Variants in IDUA observed in about 807,000 individuals in gnomAD.
IDUA encodes alpha-L-iduronidase.
A neutral mutation model predicts 68.9 loss-of-function variants in IDUA; 65 were observed. The ratio of observed to expected loss-of-function variants is 0.94; its 90% confidence interval spans 0.77 to 1.16. The LOEUF (loss-of-function observed/expected upper bound fraction) is 1.16. IDUA is among the 50% of genes most tolerant of loss of function. The pLI is 0.00. For missense variants in IDUA, 1,046 were observed against 938.0 expected, an observed-to-expected ratio of 1.12 and a Z score of -1.50; for synonymous variants, 529 against 433.6, an observed-to-expected ratio of 1.22 and a Z score of -2.73.
At chr4:1,003,792 AG>A in intron 12 of IDUA, 167 bp downstream of exon 12, 1 of 827,074 alleles carries the variant, frequency 1.2e-6, no homozygotes. Flanking sequence ...GCCACGCGCC[AG>A]GCCCTGCCAG....
At chr4:1,002,613 C>A in intron 8 of IDUA, 119 bp from the exon 9 acceptor site, 1 of 1,159,146 alleles carries the variant, frequency 8.6e-7, no homozygotes, top group Non-Finnish European at 1.1e-6. Context: ...CTCCGCGTGG[C>A]GGGGCCTGGG....
intron 2 of IDUA, among the ~76,000 whole-genome samples, chr4:993,961 C>T (rs976759640): frequency 1.3e-5 from 2 of 152,250 alleles, no homozygotes; most frequent in African/African-American, 4.8e-5. Flanking sequence ...GGCCAGGAGT[C>T]CTGGTCTGAC....
rs1429895979 is a variant in IDUA, at chr4:991,361, T to G, written c.299+3412T>G. ...ACGGAGACATGCCGTGAGGTGCCCATGAGGAAGTAGATGAGGTTGGCGAAG... is the reference window on the plus strand; with the variant it reads ...ACGGAGACATGCCGTGAGGTGCCCAGGAGGAAGTAGATGAGGTTGGCGAAG... On this transcript the variant is annotated intron_variant, in intron 2 of 13. Coordinates refer to ENST00000514224, the MANE Select transcript of IDUA (RefSeq NM_000203.5). 8 of 1,612,326 alleles carry G rather than the reference T, an allele frequency of 5.0e-6. No homozygotes were observed. Among genetic ancestry groups the G allele is most frequent in the Non-Finnish European group, 6.8e-6 (8 of 1,179,840 alleles).
At chr4:996,709 C>T (rs142750341) in intron 2 of IDUA, among the ~76,000 whole-genome samples, 1 of 152,346 alleles carries the variant, frequency 6.6e-6, no homozygotes, top group African/African-American at 2.4e-5. Context: ...GGGGCCTGAC[C>T]TGCCCCCTCC....
Position 1,003,033 on chromosome 4 carries a change from C to T in IDUA, c.1403-3C>T, listed in dbSNP as rs750083537. On this transcript the variant is annotated splice_polypyrimidine_tract_variant and splice_region_variant and intron_variant, in intron 9 of 13. Coordinates refer to ENST00000514224, the MANE Select transcript of IDUA (RefSeq NM_000203.5). Reference sequence around the variant, plus strand: ...GCCGAGGCCTGAGTGTCAGGCCCCGCAGGCCTGGTCTACGTCACGCGCTAC... The same window carrying T: ...GCCGAGGCCTGAGTGTCAGGCCCCGTAGGCCTGGTCTACGTCACGCGCTAC... 3.3e-6 allele frequency: 5 copies of T among 1,493,406 alleles called. No individual in the cohort carries two copies. In the East Asian group the frequency reaches 8.4e-5, roughly 25 times the overall value. 92.5% of individuals were successfully genotyped at this position (1,493,406 alleles called of 1,614,324 possible). A position where few individuals can be genotyped will look rare whatever the true frequency, so the allele number is the denominator to read the frequency against.
intron 2 of IDUA, chr4:990,057 C>T (rs765223972): frequency 8.1e-6 from 13 of 1,601,354 alleles, no homozygotes; most frequent in Middle Eastern, 1.7e-4. Flanking sequence ...CCAGCAGCTC[C>T]GTGGGCAGCG....
intron 1 of IDUA, 87 bp from the exon 2 acceptor site, chr4:987,722 G>A (rs927408626): frequency 2.1e-5 from 33 of 1,585,694 alleles, no homozygotes; most frequent in Admixed American, 8.7e-5. Flanking sequence ...TCCTGCGCCC[G>A]GGCAGTCCTG....
At chr4:997,334 G>A (rs1005940895) in intron 2 of IDUA, among the ~76,000 whole-genome samples, 5 of 37,330 alleles carry the variant, frequency 1.3e-4, no homozygotes, top group Non-Finnish European at 2.9e-4. Flanking sequence ...CCCCTGCCCC[G>A]CACTCCCACC....
chr4:989,493 C>T, intron 2 of IDUA: 1 of 1,554,258 alleles, frequency 6.4e-7, no homozygotes, highest in East Asian at 2.4e-5. Flanking sequence ...TGCTGACCAG[C>T]ATACAGGTGG....
intron 2 of IDUA, among the ~76,000 whole-genome samples, chr4:998,860 C>A (rs946946733): frequency 8.0e-5 from 12 of 150,430 alleles, no homozygotes; most frequent in Non-Finnish European, 1.2e-4. Context: ...ACCACCCAGT[C>A]TGGGCACCAT....
At position 1,001,899 on chromosome 4, in the gene IDUA, G is replaced by A. The variant is rs1413309758; in HGVS notation, c.792+18G>A. 3 of 1,570,198 alleles carry A rather than the reference G, an allele frequency of 1.9e-6. No individual in the cohort carries two copies. Among genetic ancestry groups the A allele is most frequent in the East Asian group, 2.3e-5 (1 of 42,808 alleles). On this transcript the variant is annotated intron_variant, in intron 6 of 13. Coordinates refer to ENST00000514224, the MANE Select transcript of IDUA (RefSeq NM_000203.5). Reference sequence around the variant, plus strand: ...ACAGGAAGGTGCGCCCTGCCCCTCCGTCCGCCCCGGTGTTCTGCGCCCTCA... The same window carrying A: ...ACAGGAAGGTGCGCCCTGCCCCTCCATCCGCCCCGGTGTTCTGCGCCCTCA...
chr4:1,002,203 C>T (rs1560547717), intron 7 of IDUA, 42 bp downstream of exon 7: 1 of 1,568,718 alleles, frequency 6.4e-7, no homozygotes, highest in Admixed American at 1.9e-5. Flanking sequence ...GGCCACCTTC[C>T]TCCCGAGACG....
At chr4:989,177 C>T in intron 2 of IDUA, 9 of 1,607,144 alleles carry the variant, frequency 5.6e-6, no homozygotes, top group Non-Finnish European at 7.7e-6. Context: ...TCGCCCTGGG[C>T]AGGGCCTCCC....
rs1393615274 is a variant in IDUA at position 1,004,450 on chromosome 4, G to GCA, written c.*59_*60dup. On this transcript the variant is annotated 3_prime_UTR_variant, in exon 14 of 14. Coordinates refer to ENST00000514224, the MANE Select transcript of IDUA (RefSeq NM_000203.5). This position sits in a 1 kb window ranked among gnomAD's most constrained non-coding sequence, Gnocchi z 5.0. ...CACCGGCAGTCAGCGAGCTGGGGCT[G>GCA]CACTGTGCCCATGCTGCCCTCCCAT... The GCA allele has an allele frequency of 6.3e-7, 1 of 1,574,916 alleles. No homozygotes were observed. Among genetic ancestry groups the GCA allele is most frequent in the Non-Finnish European group, 8.7e-7 (1 of 1,153,788 alleles).
intron 2 of IDUA, chr4:988,187 G>A (rs755122178): frequency 5.8e-6 from 8 of 1,369,530 alleles, no homozygotes; most frequent in Non-Finnish European, 7.5e-6. Context: ...GGTTGGCTGC[G>A]CCGCACCTGG....
chr4:1,001,584 T>C, intron 5 of IDUA, 21 bp downstream of exon 5: 1 of 1,612,042 alleles, frequency 6.2e-7, no homozygotes, highest in Middle Eastern at 1.7e-4. Flanking sequence ...CTTCCTGGGG[T>C]CCTGCCCGGC....
intron 2 of IDUA, chr4:990,032 T>G: frequency 6.3e-7 from 1 of 1,595,312 alleles, no homozygotes; most frequent in East Asian, 2.3e-5. Flanking sequence ...GACACGAGTG[T>G]GGCCACCACG....
At position 1,001,805 on chromosome 4, in the gene IDUA, G is replaced by C; in HGVS notation, c.716G>C (p.Arg239Pro). The part of the protein sequence containing the change: ...PRSPLSWGLL[R>P]HCHDGTNFFT... ...TCCCCGCTGAGCTGGGGCCTCCTGC[G>C]CCACTGCCACGACGGTACCAACTTC... The change falls in exon 6 of 14, where the codon CGC becomes CCC. Residue 239 changes from arginine (R) to proline (P), a missense_variant. Coordinates refer to ENST00000514224, the MANE Select transcript of IDUA (RefSeq NM_000203.5). 1 of 1,604,428 alleles carries C rather than the reference G, an allele frequency of 6.2e-7. No homozygotes were observed. The highest frequency in any genetic ancestry group is 1.1e-5 in the South Asian group (1 of 90,156).
chr4:996,540 T>C (rs1714752789), intron 2 of IDUA, among the ~76,000 whole-genome samples: 2 of 152,074 alleles, frequency 1.3e-5, no homozygotes, highest in African/African-American at 4.8e-5. Context: ...TGGGGACCTG[T>C]GGTGAGGTTT....
Sources: gnomAD v4.1 joint callset for allele counts (sites outside exome capture counted in the v4.1 genomes callset) on GRCh38, gnomAD v4.1.1 for gene constraint, Gnocchi (gnomAD v3.1) non-coding constraint, MANE v1.5 for transcripts, NCBI Gene and HGNC (gene_info 2026-07-23, HGNC 2026-07-21) for gene names.